The following SLC71A1 variants were observed in gnomAD, a reference collection of about 807,000 sequenced individuals.
SLC71A1 encodes hippocampus abundant gene transcript 1.
At chr1:100,040,887 A>G in the SLC71A1 span, among the ~76,000 whole-genome samples, 5 of 152,194 alleles carry the variant, frequency 3.3e-5, no homozygotes, top group African/African-American at 1.2e-4. Context: ...GAGTTTTTAT[A>G]AAGTTCCGCC....
the SLC71A1 span, chr1:100,069,645 C>T: frequency 2.5e-6 from 4 of 1,612,042 alleles, no homozygotes; most frequent in East Asian, 4.5e-5. Context: ...AGTGTTGCAG[C>T]GTTTATAGCA....
chr1:100,058,365 C>T, the SLC71A1 span, among the ~76,000 whole-genome samples: 2 of 152,162 alleles, frequency 1.3e-5, no homozygotes, highest in African/African-American at 4.8e-5. Context: ...TCAGCTTTGC[C>T]ATTTACTTAC....
the SLC71A1 span, among the ~76,000 whole-genome samples, chr1:100,064,935 G>T: frequency 6.6e-6 from 1 of 152,034 alleles, no homozygotes; most frequent in African/African-American, 2.4e-5. Context: ...GCCCAGGCTG[G>T]AGTGCAGTGG....
At chr1:100,059,776 G>T in the SLC71A1 span, 1 of 991,772 alleles carries the variant, frequency 1.0e-6, no homozygotes, top group South Asian at 2.1e-5. Flanking sequence ...ATTTACTTTA[G>T]AAACAAAGTT....
chr1:100,082,804 C>T, the SLC71A1 span: 3 of 152,286 alleles, frequency 2.0e-5, no homozygotes, highest in Admixed American at 6.6e-5. Context: ...ACATTATTCA[C>T]TACTGTTTTT....
At chr1:100,066,212 A>G in the SLC71A1 span, among the ~76,000 whole-genome samples, 12 of 152,206 alleles carry the variant, frequency 7.9e-5, no homozygotes, top group African/African-American at 2.7e-4. Context: ...TACCAAGCTC[A>G]GTTTTGTTCC....
the SLC71A1 span, chr1:100,058,717 C>T: frequency 6.3e-7 from 1 of 1,575,678 alleles, no homozygotes; most frequent in Non-Finnish European, 8.7e-7. Flanking sequence ...CGGCTTAATT[C>T]AAGGAGTAAA....
the SLC71A1 span, among the ~76,000 whole-genome samples, chr1:100,038,788 C>T: frequency 2.6e-5 from 4 of 152,222 alleles, no homozygotes; most frequent in African/African-American, 9.6e-5. Context: ...CGCGGGGATC[C>T]CGCTGCGGCC....
At chr1:100,047,307 A>T in the SLC71A1 span, among the ~76,000 whole-genome samples, 1 of 152,138 alleles carries the variant, frequency 6.6e-6, no homozygotes, top group Non-Finnish European at 1.5e-5. Context: ...AATTGAAATG[A>T]TCATTTTATT....
chr1:100,054,593 T>C, the SLC71A1 span, among the ~76,000 whole-genome samples: 1 of 152,150 alleles, frequency 6.6e-6, no homozygotes, highest in African/African-American at 2.4e-5. Flanking sequence ...ACACAGTCCA[T>C]GTTACGGAAC....
the SLC71A1 span, among the ~76,000 whole-genome samples, chr1:100,073,994 TA>T: frequency 6.6e-6 from 1 of 152,220 alleles, no homozygotes; most frequent in Non-Finnish European, 1.5e-5. Context: ...ATGCTTTCCA[TA>T]AACACTTATT....
At chr1:100,080,644 G>GC in the SLC71A1 span, 1 of 1,613,864 alleles carries the variant, frequency 6.2e-7, no homozygotes, top group Non-Finnish European at 8.5e-7. Flanking sequence ...CAAGCCCTCA[G>GC]CACCACTTTG....
chr1:100,055,634 A>G, the SLC71A1 span, among the ~76,000 whole-genome samples: 1 of 152,026 alleles, frequency 6.6e-6, no homozygotes, highest in Non-Finnish European at 1.5e-5. Flanking sequence ...GGTACATGAG[A>G]TATTTTGATA....
At chr1:100,082,657 A>G in the SLC71A1 span, 1 of 154,630 alleles carries the variant, frequency 6.5e-6, no homozygotes, top group African/African-American at 2.4e-5. Flanking sequence ...ATCTTGGGTC[A>G]AATAATTCAA....
the SLC71A1 span, chr1:100,038,182 C>G: frequency 6.7e-7 from 1 of 1,488,564 alleles, no homozygotes; most frequent in African/African-American, 1.4e-5. Flanking sequence ...GCTGCTGGGG[C>G]CTGCCGCCCC....
chr1:100,082,317 A>T, the SLC71A1 span: 1 of 857,596 alleles, frequency 1.2e-6, no homozygotes, highest in Non-Finnish European at 1.8e-6. Context: ...AGATTGTCTT[A>T]AGAAATGTAT....
At chr1:100,059,842 T>A in the SLC71A1 span, 7 of 1,566,650 alleles carry the variant, frequency 4.5e-6, no homozygotes, top group Non-Finnish European at 6.1e-6. Context: ...TGCTCATAGA[T>A]GTGTGGTATT....
At chr1:100,059,366 G>T in the SLC71A1 span, among the ~76,000 whole-genome samples, 1 of 151,290 alleles carries the variant, frequency 6.6e-6, no homozygotes, top group South Asian at 2.1e-4. Context: ...TGCCATGTTG[G>T]CCAGGCTGGT....
chr1:100,078,415 G>T, the SLC71A1 span: 11 of 1,361,802 alleles, frequency 8.1e-6, no homozygotes, highest in South Asian at 1.2e-5. Context: ...CAGTGGAGAA[G>T]AATTTACTGT....
Sources: allele counts gnomAD v4.1 joint callset (sites outside exome capture counted in the v4.1 genomes callset), GRCh38; gene constraint gnomAD v4.1.1; transcripts MANE v1.5; gene names NCBI Gene and HGNC (gene_info 2026-07-23, HGNC 2026-07-21).